Variants in PRKG1 observed in about 807,000 individuals in gnomAD.
PRKG1 encodes the protein protein kinase cGMP-dependent 1.
Under a neutral mutation model 88.1 loss-of-function variants are expected in PRKG1, and 35 were observed. The ratio of observed to expected loss-of-function variants is 0.40; its 90% confidence interval spans 0.30 to 0.53. PRKG1 has a LOEUF of 0.53. Ranked by LOEUF, PRKG1 falls within the 20% of genes least tolerant of loss-of-function variation. The pLI, the probability that PRKG1 is intolerant of heterozygous loss-of-function variation, is 0.59. For missense variants in PRKG1, 540 were observed against 839.8 expected (o/e 0.64, Z 4.41); for synonymous variants, 303 against 292.5 (o/e 1.04, Z -0.37).
intron 4 of PRKG1, among the ~76,000 whole-genome samples, chr10:51,860,597 G>A (rs191817221): frequency 1.3e-5 from 2 of 152,312 alleles, no homozygotes; most frequent in Admixed American, 1.3e-4. Flanking sequence ...GGTTACACCA[G>A]CAGTACTGCT....
At chr10:51,680,792 T>C (rs902019240) in intron 3 of PRKG1, among the ~76,000 whole-genome samples, 71 of 152,210 alleles carry the variant, frequency 4.7e-4, no homozygotes, top group African/African-American at 1.6e-3. Context: ...AAAGTAGATA[T>C]TGAATAAATA....
At position 51,311,837 on chromosome 10, in the gene PRKG1, T is replaced by TG. The variant is rs1274921853; in HGVS notation, c.479-155881dup. On this transcript the variant is annotated intron_variant, in intron 2 of 17. Coordinates refer to ENST00000373980, the MANE Select transcript of PRKG1 (RefSeq NM_006258.4). ...TAAACATACTATGGAAAGGAGGGCC[T>TG]GGGGGAAGCACCACACCTGTAGGCC... Among the ~76,000 whole-genome samples, 13 of 152,180 alleles carry TG rather than the reference T, an allele frequency of 8.5e-5. No homozygotes were observed. The East Asian group carries it at 2.3e-3, about 27-fold the overall frequency.
intron 3 of PRKG1, among the ~76,000 whole-genome samples, chr10:51,651,216 G>T (rs1840030622): frequency 6.6e-6 from 1 of 152,070 alleles, no homozygotes; most frequent in South Asian, 2.1e-4. Context: ...ATAACCTCAG[G>T]CATGATATTC....
rs114570351 is a variant in PRKG1 at position 51,217,455 on chromosome 10, A to C, written c.478+64125A>C. Among the ~76,000 whole-genome samples the C allele has an allele frequency of 5.7e-3, 861 of 152,272 alleles. 10 individuals are homozygous for C. Among genetic ancestry groups the C allele is most frequent in the African/African-American group, 0.019 (803 of 41,584 alleles). On this transcript the variant is annotated intron_variant, in intron 2 of 17. Transcript: ENST00000373980. ...CTTTTAATAATAAATATGCAAGTGG[A>C]TGATTACAAAAGAAGAGATCTGGAG...
chr10:51,857,502 C>T (rs1278056807), intron 4 of PRKG1, among the ~76,000 whole-genome samples: 2 of 152,112 alleles, frequency 1.3e-5, no homozygotes, highest in Non-Finnish European at 2.9e-5. Context: ...AGACCATCCA[C>T]CAGGAAGGGC....
chr10:51,332,648 T>C (rs562381812), intron 2 of PRKG1, among the ~76,000 whole-genome samples: 8 of 152,264 alleles, frequency 5.3e-5, no homozygotes, highest in African/African-American at 1.4e-4. Context: ...GAAACTCTTA[T>C]GGAGAGGGAG....
Position 51,319,424 on chromosome 10 carries a change from G to T in PRKG1, c.479-148299G>T, listed in dbSNP as rs138987783. 5.8e-3 allele frequency among the ~76,000 whole-genome samples: 889 copies of T among 152,258 alleles called. 2 individuals carry two copies. Among genetic ancestry groups the T allele is most frequent in the Admixed American group, 0.014 (208 of 15,288 alleles). The stretch of plus-strand genomic sequence containing the variant: ...TTTTGGCCTGCTTTGTGCTATTGTT[G>T]GGTTTGTAGTGACCTTTGTTTGCTG... On this transcript the variant is annotated intron_variant, in intron 2 of 17. Transcript: ENST00000373980.
At chr10:51,064,733 T>G (rs1843729589) in intron 1 of PRKG1, among the ~76,000 whole-genome samples, 1 of 152,080 alleles carries the variant, frequency 6.6e-6, no homozygotes. Context: ...CATATATTCC[T>G]GTCTTTTGAT....
intron 1 of PRKG1, among the ~76,000 whole-genome samples, chr10:51,124,620 A>G (rs867113333): frequency 1.3e-5 from 2 of 152,318 alleles, no homozygotes; most frequent in Middle Eastern, 3.4e-3. Context: ...GCAGTCATAT[A>G]TGAAGCTTTT....
chr10:52,060,017 T>C (rs988963771), intron 6 of PRKG1, among the ~76,000 whole-genome samples: 5 of 151,856 alleles, frequency 3.3e-5, no homozygotes, highest in African/African-American at 1.2e-4. Flanking sequence ...TGGGAGTTGC[T>C]ACAGTAGATA....
At chr10:51,588,986 T>A (rs547744078) in intron 3 of PRKG1, among the ~76,000 whole-genome samples, 1 of 152,324 alleles carries the variant, frequency 6.6e-6, no homozygotes, top group African/African-American at 2.4e-5. Flanking sequence ...AGCTGTTTTT[T>A]TGGAGAGGGT....
intron 3 of PRKG1, among the ~76,000 whole-genome samples, chr10:51,734,407 G>GTTATT (rs528929035): frequency 1.4e-4 from 21 of 152,158 alleles, no homozygotes; most frequent in Admixed American, 2.6e-4. Context: ...GAGAGATATT[G>GTTATT]TTATTTTATT....
At chr10:51,018,714 T>G (rs1220730338) in intron 1 of PRKG1, among the ~76,000 whole-genome samples, 1 of 152,168 alleles carries the variant, frequency 6.6e-6, no homozygotes, top group Non-Finnish European at 1.5e-5. Context: ...GGCAATTACT[T>G]CCAACCCAGT....
chr10:51,029,592 A>G (rs1427100322), intron 1 of PRKG1, among the ~76,000 whole-genome samples: 9 of 152,168 alleles, frequency 5.9e-5, no homozygotes, highest in Admixed American at 5.9e-4. Context: ...CTGGGGGAAC[A>G]AGTCCTAATA....
At chr10:52,037,809 CGAGGAGCAGCCTGGG>C (rs1845655788) in intron 5 of PRKG1, among the ~76,000 whole-genome samples, 1 of 151,768 alleles carries the variant, frequency 6.6e-6, no homozygotes, top group African/African-American at 2.4e-5. Flanking sequence ...CTCGGCCTGG[CGAGGAGCAGCCTGGG>C]GAGGAAGGGA....
intron 2 of PRKG1, among the ~76,000 whole-genome samples, chr10:51,417,610 T>C (rs1216270248): frequency 6.6e-6 from 1 of 152,146 alleles, no homozygotes; most frequent in Non-Finnish European, 1.5e-5. Flanking sequence ...TTGTAGAACA[T>C]AGTAGGACCG....
At chr10:51,277,694 TA>T (rs1308393131) in intron 2 of PRKG1, among the ~76,000 whole-genome samples, 7 of 152,218 alleles carry the variant, frequency 4.6e-5, no homozygotes, top group Non-Finnish European at 1.0e-4. Flanking sequence ...GTTGGATTCC[TA>T]GGTATTTTAT....
chr10:52,068,848 AT>A (rs1157538056), intron 7 of PRKG1, among the ~76,000 whole-genome samples: 2 of 152,214 alleles, frequency 1.3e-5, no homozygotes, highest in Non-Finnish European at 2.9e-5. Flanking sequence ...GAACTAGGTG[AT>A]CTTTAAGTTT....
chr10:52,227,743 A>G (rs1840424369), intron 9 of PRKG1, among the ~76,000 whole-genome samples: 1 of 152,172 alleles, frequency 6.6e-6, no homozygotes, highest in Non-Finnish European at 1.5e-5. Context: ...CAGCACAAAA[A>G]CCATAGCATA....
Sources: gnomAD v4.1 joint callset for allele counts (sites outside exome capture counted in the v4.1 genomes callset) on GRCh38, gnomAD v4.1.1 for gene constraint, MANE v1.5 for transcripts, NCBI Gene and HGNC (gene_info 2026-07-23, HGNC 2026-07-21) for gene names.